Variants in ARHGAP30 observed in about 807,000 individuals in gnomAD.
The protein encoded by ARHGAP30 is Rho GTPase activating protein 30, also known as rho GTPase-activating protein 30.
ARHGAP30 carries 23 observed loss-of-function variants against 72.0 expected under a neutral mutation model. The ratio of observed to expected loss-of-function variants is 0.32; its 90% CI spans 0.23 to 0.45. The LOEUF (loss-of-function observed/expected upper bound fraction) is 0.45. Ranked by LOEUF, ARHGAP30 falls within the 20% of genes least tolerant of loss-of-function variation. The pLI, the probability that ARHGAP30 is intolerant of heterozygous loss-of-function variation, is 1.00. For missense variants in ARHGAP30, 1,319 were observed against 1,383.4 expected, an observed-to-expected ratio of 0.95 and a Z score of 0.74; for synonymous variants, 576 against 528.2, an observed-to-expected ratio of 1.09 and a Z score of -1.24.
In ARHGAP30 at chr1:161,054,699, C is replaced by A. The variant is rs1020010491; in HGVS notation, c.352G>T (p.Val118Leu). The change falls in exon 4 of 12, where the codon GTA becomes TTA. Residue 118 changes from valine (V) to leucine (L), a missense_variant. This residue lies in a region of ARHGAP30 where 222 missense variants were observed against 338.2 expected (regional missense o/e 0.66). Transcript: ENST00000368013. ...CGCTCAGGTTCCAATTGCACTCCTA[C>A]AGCCTCCTGATTGAGAAGAGTGCAA... ...YRLYDKFAEAVGVQLEPERLV... is the reference protein window; with the variant it reads ...YRLYDKFAEALGVQLEPERLV... The A allele has an allele frequency of 1.9e-6, 3 of 1,613,842 alleles. No homozygotes were observed. The highest frequency in any genetic ancestry group is 2.5e-6 in the Non-Finnish European group (3 of 1,179,992).
Position 161,069,467 on chromosome 1 carries a change from C to T in ARHGAP30, c.97+61G>A, listed in dbSNP as rs535885803. ...ACTGCTTCTGCCCTTCAGGCTGGAT[C>T]GGGCTGCAGATGCCCAGTGCCTCCC... On this transcript the variant is annotated intron_variant, in intron 1 of 11. Coordinates refer to ENST00000368013, the MANE Select transcript of ARHGAP30 (RefSeq NM_001025598.2). The surrounding 1 kb of genome is among the most constrained non-coding windows in gnomAD (Gnocchi z 4.9). 2.3e-5 allele frequency: 36 copies of T among 1,537,746 alleles called. No homozygotes were observed. Among genetic ancestry groups the T allele is most frequent in the East Asian group, 1.8e-4 (8 of 44,474 alleles).
chr1:161,059,379 T>C (rs1485689839), intron 2 of ARHGAP30, among the ~76,000 whole-genome samples: 1 of 149,704 alleles, frequency 6.7e-6, no homozygotes, highest in East Asian at 2.0e-4. Context: ...GTGGGAATGG[T>C]GTATGTGAGA....
intron 2 of ARHGAP30, among the ~76,000 whole-genome samples, chr1:161,059,332 G>GTAT (rs1571105757): frequency 2.0e-5 from 2 of 102,170 alleles, no homozygotes; most frequent in East Asian, 6.2e-4. Flanking sequence ...CCTGGCTCAA[G>GTAT]TTTTTTTTTT....
intron 10 of ARHGAP30, among the ~76,000 whole-genome samples, chr1:161,051,064 A>T (rs1263909167): frequency 6.6e-6 from 1 of 152,226 alleles, no homozygotes; most frequent in Non-Finnish European, 1.5e-5. Flanking sequence ...TGTTTCTGAC[A>T]CAGGCCCCTA....
intron 1 of ARHGAP30, among the ~76,000 whole-genome samples, chr1:161,066,249 A>C (rs1652754729): frequency 6.7e-6 from 1 of 149,274 alleles, no homozygotes; most frequent in Non-Finnish European, 1.5e-5. Flanking sequence ...GTTGGGTGGG[A>C]TTAGGGAAGC....
chr1:161,049,694 TG>T lies in ARHGAP30; in HGVS notation c.1421-6del. On this transcript the variant is annotated splice_polypyrimidine_tract_variant and splice_region_variant and intron_variant, in intron 10 of 11. Coordinates refer to ENST00000368013, the MANE Select transcript of ARHGAP30 (RefSeq NM_001025598.2). ...GACTTGCTTCCAACTTTTCATCTGTTGGGGGAGAAGTAGTCCCAGGAATACA... is the reference window on the plus strand; with the variant it reads ...GACTTGCTTCCAACTTTTCATCTGTTGGGGAGAAGTAGTCCCAGGAATACA... The T allele has an allele frequency of 1.2e-6, 2 of 1,611,792 alleles. No individual in the cohort carries two copies. Among genetic ancestry groups the T allele is most frequent in the Non-Finnish European group, 8.5e-7 (1 of 1,178,812 alleles).
intron 3 of ARHGAP30, among the ~76,000 whole-genome samples, chr1:161,055,841 AT>A (rs1476912069): frequency 2.1e-4 from 6 of 29,036 alleles, no homozygotes; most frequent in Admixed American, 3.7e-4. Context: ...ATAAAATAAA[AT>A]AAATAAAATA....
Position 161,059,607 on chromosome 1 carries a change from G to T in ARHGAP30, c.200+7C>A. On this transcript the variant is annotated splice_region_variant and intron_variant, in intron 2 of 11. Transcript: ENST00000368013. ...GTCACAGAGCCCTCCCACTCTGTTT[G>T]ACTCACCGAAGCTTCTGGATGTTGG... 6.2e-7 allele frequency: 1 copy of T among 1,610,596 alleles called. No homozygotes were observed. The highest frequency in any genetic ancestry group is 1.1e-5 in the South Asian group (1 of 90,702).
intron 1 of ARHGAP30, 126 bp from the exon 2 acceptor site, chr1:161,059,842 C>T (rs771986885): frequency 1.6e-5 from 12 of 746,990 alleles, no homozygotes; most frequent in Non-Finnish European, 2.6e-5. Flanking sequence ...AAAAACTTGT[C>T]AGAACAATTC....
intron 1 of ARHGAP30, among the ~76,000 whole-genome samples, chr1:161,065,939 C>T (rs1196632443): frequency 6.6e-6 from 1 of 150,854 alleles, no homozygotes; most frequent in Non-Finnish European, 1.5e-5. Context: ...CTTTGTTGCC[C>T]AGGCTGGAGT....
At chr1:161,056,248 C>T in intron 3 of ARHGAP30, 140 bp downstream of exon 3, 1 of 1,239,478 alleles carries the variant, frequency 8.1e-7, no homozygotes, top group Non-Finnish European at 1.1e-6. Flanking sequence ...GAGGAGGGGT[C>T]TTTTCCCCGG....
chr1:161,065,393 C>A (rs1260625624), intron 1 of ARHGAP30, among the ~76,000 whole-genome samples: 1 of 152,128 alleles, frequency 6.6e-6, no homozygotes, highest in South Asian at 2.1e-4. Context: ...TTCCTTCAAC[C>A]CAATTCCTTC....
At position 161,069,446 on chromosome 1, in the gene ARHGAP30, C is replaced by T; in HGVS notation, c.97+82G>A. 2.8e-6 allele frequency: 4 copies of T among 1,435,128 alleles called. No homozygotes were observed. The highest frequency in any genetic ancestry group is 1.2e-5 in the South Asian group (1 of 86,296). The allele number at this position is 1,435,128 out of a possible 1,614,324, so 88.9% of individuals were successfully genotyped here. On this transcript the variant is annotated intron_variant, in intron 1 of 11. Transcript: ENST00000368013. The surrounding 1 kb of genome is among the most constrained non-coding windows in gnomAD (Gnocchi z 4.9). ...CCTTCCCCAGGAGCACCGGAAACTG[C>T]TTCTGCCCTTCAGGCTGGATCGGGC...
chr1:161,064,274 G>A (rs1419351025), intron 1 of ARHGAP30, among the ~76,000 whole-genome samples: 1 of 152,170 alleles, frequency 6.6e-6, no homozygotes, highest in African/African-American at 2.4e-5. Flanking sequence ...GCCAGCCGAC[G>A]CTTAGGAAAA....
rs772421617 is a variant in ARHGAP30, at chr1:161,052,619, G to A, written c.836+7C>T. The A allele has an allele frequency of 6.8e-6, 11 of 1,613,412 alleles. No homozygotes were observed. Among genetic ancestry groups the A allele is most frequent in the Non-Finnish European group, 9.3e-6 (11 of 1,179,594 alleles). On this transcript the variant is annotated splice_region_variant and intron_variant, in intron 7 of 11. Coordinates refer to ENST00000368013, the MANE Select transcript of ARHGAP30 (RefSeq NM_001025598.2). Reference sequence around the variant, plus strand: ...CAGGGGAGGAAGGCCCAGGAAGGAGGCCTTACTTGTGCTCTGCAATCTCGA... The same window carrying A: ...CAGGGGAGGAAGGCCCAGGAAGGAGACCTTACTTGTGCTCTGCAATCTCGA...
chr1:161,053,508 A>ATCTCTC (rs1553217392), intron 5 of ARHGAP30, 123 bp from the exon 6 acceptor site: 113 of 720,018 alleles, frequency 1.6e-4, no homozygotes, highest in African/African-American at 6.6e-4. Context: ...CTCTCTCTCG[A>ATCTCTC]ATGACCTTAA....
chr1:161,064,831 G>GAAAA (rs1231950263), intron 1 of ARHGAP30, among the ~76,000 whole-genome samples: 4 of 73,834 alleles, frequency 5.4e-5, no homozygotes, highest in Non-Finnish European at 9.8e-5. Context: ...AAGAAAGAAA[G>GAAAA]AGAAAGAAAG....
At position 161,048,394 on chromosome 1, in the gene ARHGAP30, T is replaced by G. The variant is rs1651043917; in HGVS notation, c.2627A>C (p.Lys876Thr). 6.2e-7 allele frequency: 1 copy of G among 1,614,110 alleles called. No individual in the cohort carries two copies. The highest frequency in any genetic ancestry group is 8.5e-7 in the Non-Finnish European group (1 of 1,180,022). ...GVASLEVDCAKEGNPHSSEME... is the reference protein window; with the variant it reads ...GVASLEVDCATEGNPHSSEME... ...CTCAGAAGAGTGAGGATTGCCCTCT[T>G]TGGCACAGTCAACCTCCAGGGACGC... Residue 876 changes from lysine to threonine, a missense_variant, in exon 12 of 12, where the codon AAA (lysine) becomes ACA (threonine). Lys to Thr is a moderately conservative substitution (Grantham distance 78). This residue lies in a region of ARHGAP30 where 1,097 missense variants were observed against 1,045.2 expected (regional missense o/e 1.05). Transcript: ENST00000368013.
rs374191080 is a variant in ARHGAP30 at position 161,053,396 on chromosome 1, G to A, written c.537-11C>T. The A allele has an allele frequency of 2.5e-6, 4 of 1,608,428 alleles. No homozygotes were observed. Among genetic ancestry groups the A allele is most frequent in the South Asian group, 2.2e-5 (2 of 90,998 alleles). The stretch of plus-strand genomic sequence containing the variant: ...TCTATGTCCTTAGACCTGTGGAGAT[G>A]TGGAATTATTCTCCCCCTCAGCCCC... On this transcript the variant is annotated splice_polypyrimidine_tract_variant and intron_variant, in intron 5 of 11. Transcript: ENST00000368013.
Sources: gnomAD v4.1 joint callset for allele counts (sites outside exome capture counted in the v4.1 genomes callset) on GRCh38, gnomAD v4.1.1 for gene constraint, gnomAD v4.1.1 regional missense constraint, Gnocchi (gnomAD v3.1) non-coding constraint, MANE v1.5 for transcripts, NCBI Gene and HGNC (gene_info 2026-07-23, HGNC 2026-07-21) for gene names.